The following GPC5 variants were observed in gnomAD, a reference collection of about 807,000 sequenced individuals.
The protein encoded by GPC5 is glypican 5.
In GPC5, 47 loss-of-function variants were observed where a neutral mutation model predicts 53.9. The ratio of observed to expected loss-of-function variants is 0.87; its 90% CI spans 0.69 to 1.11. GPC5 has a LOEUF of 1.11. GPC5 is among the 50% of genes most tolerant of loss of function. The pLI is 0.00. For missense variants in GPC5, 748 were observed against 713.1 expected (o/e 1.05, Z -0.56); for synonymous variants, 286 against 263.3 (o/e 1.09, Z -0.84).
chr13:92,064,764 A>AAACAAAACAAAACAAAAC (rs371962452), intron 6 of GPC5, among the ~76,000 whole-genome samples: 13,137 of 138,416 alleles, frequency 0.095, 1,419 homozygotes, highest in African/African-American at 0.17. Flanking sequence ...CTCAAAAAAA[A>AAACAAAACAAAACAAAAC]AAAACAAAAC....
At chr13:92,358,142 A>G (rs1484433073) in intron 7 of GPC5, among the ~76,000 whole-genome samples, 1 of 151,786 alleles carries the variant, frequency 6.6e-6, no homozygotes, top group Non-Finnish European at 1.5e-5. Flanking sequence ...CTCCCTTTCC[A>G]AAAGGGGGAA....
chr13:92,227,370 C>T lies in GPC5; in HGVS notation c.1561+82381C>T, dbSNP rs117682373. 6.6e-5 allele frequency among the ~76,000 whole-genome samples: 10 copies of T among 152,242 alleles called. No homozygotes were observed. In the East Asian group the frequency reaches 1.9e-3, roughly 29 times the overall value. On this transcript the variant is annotated intron_variant, in intron 7 of 7. Coordinates refer to ENST00000377067, the MANE Select transcript of GPC5 (RefSeq NM_004466.6). Reference sequence around the variant, plus strand: ...AATATTCCCCAGATAATCTAGAGGGCCCCAAAGAATAGTTCTCCAGAAAGT... The same window carrying T: ...AATATTCCCCAGATAATCTAGAGGGTCCCAAAGAATAGTTCTCCAGAAAGT...
intron 5 of GPC5, among the ~76,000 whole-genome samples, chr13:91,801,275 G>A (rs1445423101): frequency 2.0e-5 from 3 of 151,804 alleles, no homozygotes; most frequent in Non-Finnish European, 4.4e-5. Flanking sequence ...GTGTGTGTGT[G>A]TGTGTGTGTG....
intron 7 of GPC5, among the ~76,000 whole-genome samples, chr13:92,359,844 T>C (rs2043551575): frequency 6.6e-6 from 1 of 151,682 alleles, no homozygotes; most frequent in Non-Finnish European, 1.5e-5. Context: ...ACCAGGACCC[T>C]CCTCCAAAAC....
At chr13:91,606,176 T>C (rs2033359893) in intron 2 of GPC5, among the ~76,000 whole-genome samples, 1 of 149,486 alleles carries the variant, frequency 6.7e-6, no homozygotes. Flanking sequence ...GGTTGTTGAA[T>C]TTTGTCAAAG....
chr13:92,168,319 A>G (rs2042046001), intron 7 of GPC5, among the ~76,000 whole-genome samples: 3 of 152,212 alleles, frequency 2.0e-5, no homozygotes. Context: ...AATTGCAACA[A>G]AAGCAAAAAT....
chr13:92,338,406 C>T (rs1423762562), intron 7 of GPC5, among the ~76,000 whole-genome samples: 1 of 151,980 alleles, frequency 6.6e-6, no homozygotes, highest in East Asian at 1.9e-4. Flanking sequence ...CTTATATGTT[C>T]CAGCAATCAC....
At chr13:92,073,174 T>C (rs1399765592) in intron 6 of GPC5, among the ~76,000 whole-genome samples, 1 of 152,232 alleles carries the variant, frequency 6.6e-6, no homozygotes, top group Non-Finnish European at 1.5e-5. Context: ...ATTTCTTGTG[T>C]TAAATTCTTT....
intron 7 of GPC5, among the ~76,000 whole-genome samples, chr13:92,864,180 C>T (rs1345862990): frequency 6.6e-6 from 1 of 152,162 alleles, no homozygotes; most frequent in African/African-American, 2.4e-5. Context: ...ATAACTACGG[C>T]CATGACTGCC....
At chr13:92,041,415 C>T (rs2040940614) in intron 6 of GPC5, among the ~76,000 whole-genome samples, 1 of 152,168 alleles carries the variant, frequency 6.6e-6, no homozygotes, top group Admixed American at 6.5e-5. Context: ...AAGCATCTCC[C>T]AACCTCACAC....
intron 2 of GPC5, among the ~76,000 whole-genome samples, chr13:91,581,382 T>C (rs1345672307): frequency 6.6e-6 from 1 of 152,164 alleles, no homozygotes; most frequent in Admixed American, 6.5e-5. Context: ...GTACTGTGGA[T>C]TCTAGATTTT....
intron 4 of GPC5, among the ~76,000 whole-genome samples, chr13:91,733,271 G>A (rs1406212172): frequency 6.6e-6 from 1 of 152,010 alleles, no homozygotes; most frequent in Non-Finnish European, 1.5e-5. Context: ...GAGTAGCTGG[G>A]ATTACAGCAT....
At chr13:91,809,897 G>GT (rs576228004) in intron 5 of GPC5, among the ~76,000 whole-genome samples, 27 of 151,870 alleles carry the variant, frequency 1.8e-4, no homozygotes, top group African/African-American at 5.1e-4. Flanking sequence ...TAGTTCATTC[G>GT]TTTTTTTGAT....
intron 6 of GPC5, among the ~76,000 whole-genome samples, chr13:92,073,789 C>T (rs2041231754): frequency 6.6e-6 from 1 of 152,030 alleles, no homozygotes; most frequent in African/African-American, 2.4e-5. Flanking sequence ...TCGCTGTGTC[C>T]CCACCTAAAT....
chr13:91,871,528 A>G (rs931824186), intron 5 of GPC5, among the ~76,000 whole-genome samples: 5 of 152,192 alleles, frequency 3.3e-5, no homozygotes, highest in South Asian at 4.1e-4. Flanking sequence ...AGAGGAATAT[A>G]TAGCAATAGT....
chr13:91,413,338 C>G (rs1356473761), intron 1 of GPC5, among the ~76,000 whole-genome samples: 11 of 151,084 alleles, frequency 7.3e-5, no homozygotes, highest in Non-Finnish European at 1.5e-4. Context: ...AAGGAAAAAG[C>G]AAATATGGCC....
chr13:92,627,315 A>G (rs982266564), intron 7 of GPC5, among the ~76,000 whole-genome samples: 7 of 152,196 alleles, frequency 4.6e-5, no homozygotes, highest in African/African-American at 1.7e-4. Context: ...CATTTCTGCA[A>G]TGGCATAATT....
At chr13:92,658,619 T>C (rs1886218000) in intron 7 of GPC5, among the ~76,000 whole-genome samples, 1 of 152,322 alleles carries the variant, frequency 6.6e-6, no homozygotes, top group East Asian at 1.9e-4. Context: ...TTGTTGTTTC[T>C]GTTGTTTCAG....
intron 7 of GPC5, among the ~76,000 whole-genome samples, chr13:92,231,662 T>G (rs2042530886): frequency 6.7e-6 from 1 of 149,246 alleles, no homozygotes; most frequent in East Asian, 1.9e-4. Context: ...AAAACCAGAA[T>G]GCAAAGTAGA....
Sources: gnomAD v4.1 joint callset for allele counts (sites outside exome capture counted in the v4.1 genomes callset) on GRCh38, gnomAD v4.1.1 for gene constraint, MANE v1.5 for transcripts, NCBI Gene and HGNC (gene_info 2026-07-23, HGNC 2026-07-21) for gene names.